The following USP37 variants were observed in gnomAD, a reference collection of about 807,000 sequenced individuals.
USP37 encodes ubiquitin carboxyl-terminal hydrolase 37.
Under a neutral mutation model 124.0 loss-of-function variants are expected in USP37, and 27 were observed. The observed-to-expected ratio is 0.22, with a 90% CI of 0.16 to 0.30. The LOEUF is 0.30. Among genes scored for constraint, USP37 ranks in the 10% least tolerant of loss-of-function variants. USP37 has a pLI of 1.00. For synonymous variants in USP37, 365 were observed against 388.0 expected (o/e 0.94, Z 0.70); for missense variants, 889 against 1,140.4 (o/e 0.78, Z 3.17).
intron 2 of USP37, among the ~76,000 whole-genome samples, chr2:218,561,380 G>A (rs1269841569): frequency 2.0e-5 from 3 of 152,116 alleles, no homozygotes; most frequent in African/African-American, 7.2e-5. Flanking sequence ...TCCACAGATC[G>A]GGAGCTGTGG....
intron 11 of USP37, among the ~76,000 whole-genome samples, chr2:218,506,766 T>G (rs1174946365): frequency 6.6e-6 from 1 of 152,132 alleles, no homozygotes; most frequent in Non-Finnish European, 1.5e-5. Context: ...ATTTCATTTA[T>G]TCTTGCTTGT....
At position 218,498,176 on chromosome 2, in the gene USP37, G is replaced by A; in HGVS notation, c.1026-19C>T. 6.3e-7 allele frequency: 1 copy of A among 1,574,900 alleles called. No individual in the cohort carries two copies. The highest frequency in any genetic ancestry group is 8.6e-7 in the Non-Finnish European group (1 of 1,168,062). ...GGAGAAGCTGAAAATTAAAGAAATA[G>A]TGCTTTAGAAGGCAACAGGAATTCC... On this transcript the variant is annotated intron_variant, in intron 11 of 25. Coordinates refer to ENST00000258399, the MANE Select transcript of USP37 (RefSeq NM_020935.3).
In USP37 at chr2:218,495,778, T is replaced by G. The variant is rs778950838; in HGVS notation, c.1454A>C (p.His485Pro). The change falls in exon 14 of 26, where the codon CAC becomes CCC. Residue 485 changes from histidine to proline, a missense_variant. Around this residue, in one of 3 missense-constraint regions of USP37, gnomAD observed 504 missense variants for 714.3 expected, o/e 0.71. Coordinates refer to ENST00000258399, the MANE Select transcript of USP37 (RefSeq NM_020935.3). ...VITNLEFEVQ[H>P]SIICKACGEI... ...TACTTACGCTTTACAAATGATGGAG[T>G]GCTGAACCTCAAACTCCAAATTAGT... is the stretch of plus-strand genomic sequence containing the variant. 6.2e-7 allele frequency: 1 copy of G among 1,611,936 alleles called. No homozygotes were observed. The highest frequency in any genetic ancestry group is 8.5e-7 in the Non-Finnish European group (1 of 1,179,630).
chr2:218,536,873 A>T (rs1449862084), intron 8 of USP37, among the ~76,000 whole-genome samples: 1 of 152,186 alleles, frequency 6.6e-6, no homozygotes, highest in Non-Finnish European at 1.5e-5. Context: ...TACCTCTGAC[A>T]TCTTATAGTG....
At chr2:218,527,272 T>G (rs1261009048) in intron 10 of USP37, among the ~76,000 whole-genome samples, 4 of 152,176 alleles carry the variant, frequency 2.6e-5, no homozygotes, top group Non-Finnish European at 4.4e-5. Context: ...GTCTTTGCAC[T>G]CTACTCAGGG....
intron 1 of USP37, among the ~76,000 whole-genome samples, chr2:218,563,574 C>A (rs1693426798): frequency 6.6e-6 from 1 of 152,182 alleles, no homozygotes; most frequent in Non-Finnish European, 1.5e-5. Flanking sequence ...TCAAATTAGG[C>A]TTCACTAGGC....
chr2:218,495,984 A>T, intron 13 of USP37, 34 bp from the exon 14 acceptor site: 1 of 1,576,084 alleles, frequency 6.3e-7, no homozygotes, highest in Non-Finnish European at 8.6e-7. Flanking sequence ...ATCAGATAAA[A>T]ACATTTCTTG....
intron 5 of USP37, among the ~76,000 whole-genome samples, chr2:218,550,115 C>G (rs1405881035): frequency 1.3e-5 from 2 of 151,204 alleles, no homozygotes; most frequent in African/African-American, 2.4e-5. Context: ...GAATCTGAAG[C>G]AAAAAATTAA....
intron 9 of USP37, among the ~76,000 whole-genome samples, chr2:218,533,503 T>C (rs1254265389): frequency 6.6e-6 from 1 of 152,198 alleles, no homozygotes; most frequent in African/African-American, 2.4e-5. Flanking sequence ...ACATCAAATT[T>C]TGTGAGATGT....
At position 218,473,760 on chromosome 2, in the gene USP37, C is replaced by G. The variant is rs948786218; in HGVS notation, c.2299+870G>C. On this transcript the variant is annotated intron_variant, in intron 20 of 25. Transcript: ENST00000258399. ...GATAACAAAAAATGAGTAAAAATTA[C>G]CAAAAAAATAGTATAGCATTTTATG... 2.0e-5 allele frequency among the ~76,000 whole-genome samples: 3 copies of G among 152,160 alleles called. 1 individual carries two copies. The highest frequency in any genetic ancestry group is 2.0e-4 in the Admixed American group (3 of 15,280).
rs183760692 is a variant in USP37, at chr2:218,477,481, G to A, written c.1902-500C>T. Among the ~76,000 whole-genome samples the A allele has an allele frequency of 2.0e-5, 3 of 152,292 alleles. No individual in the cohort carries two copies. In the East Asian group the frequency reaches 5.8e-4, roughly 29 times the overall value. On this transcript the variant is annotated intron_variant, in intron 18 of 25. Coordinates refer to ENST00000258399, the MANE Select transcript of USP37 (RefSeq NM_020935.3). ...TTCCAAAGTAAGAAAAAAGGCTTCT[G>A]AGGAAGGCAGTTCCAAAGCCCATGT...
intron 9 of USP37, among the ~76,000 whole-genome samples, chr2:218,532,971 A>T (rs1691418675): frequency 6.6e-6 from 1 of 151,704 alleles, no homozygotes. Flanking sequence ...TTTTAGACAT[A>T]ATGCTATTGC....
At chr2:218,471,218 C>T (rs780288993) in intron 20 of USP37, among the ~76,000 whole-genome samples, 6 of 151,976 alleles carry the variant, frequency 3.9e-5, no homozygotes, top group Admixed American at 2.6e-4. Flanking sequence ...CAGGCTACTG[C>T]GACAGAAGAA....
chr2:218,547,378 CT>C (rs1345536933), intron 6 of USP37, among the ~76,000 whole-genome samples: 1 of 150,272 alleles, frequency 6.7e-6, no homozygotes, highest in African/African-American at 2.5e-5. Flanking sequence ...AGATTCTATT[CT>C]AGTTGATCTG....
chr2:218,520,542 G>A (rs1369942414), intron 10 of USP37, among the ~76,000 whole-genome samples: 1 of 151,234 alleles, frequency 6.6e-6, no homozygotes, highest in Non-Finnish European at 1.5e-5. Context: ...AGTAGAGATG[G>A]GGTTTCTTCA....
chr2:218,510,497 CAACA>C (rs1480040783), intron 10 of USP37, among the ~76,000 whole-genome samples: 2 of 152,162 alleles, frequency 1.3e-5, no homozygotes, highest in African/African-American at 2.4e-5. Flanking sequence ...ACAAATAACA[CAACA>C]AACATTCTTA....
chr2:218,499,665 G>A (rs1689265179), intron 11 of USP37, among the ~76,000 whole-genome samples: 1 of 152,146 alleles, frequency 6.6e-6, no homozygotes, highest in Non-Finnish European at 1.5e-5. Flanking sequence ...TTCAGTCCAG[G>A]ATCACATGCT....
intron 25 of USP37, 109 bp from the exon 26 acceptor site, chr2:218,455,126 T>G: frequency 8.0e-7 from 1 of 1,248,618 alleles, no homozygotes; most frequent in Non-Finnish European, 1.1e-6. Context: ...CCTTCACAAT[T>G]CCATTTCATG....
intron 10 of USP37, chr2:218,514,297 T>C (rs532590418): frequency 2.0e-5 from 3 of 152,334 alleles, no homozygotes; most frequent in African/African-American, 7.2e-5. Flanking sequence ...TTCACTAAAG[T>C]CCTTTTTCTG....
Sources: gnomAD v4.1 joint callset for allele counts (sites outside exome capture counted in the v4.1 genomes callset) on GRCh38, gnomAD v4.1.1 for gene constraint, gnomAD v4.1.1 regional missense constraint, MANE v1.5 for transcripts, NCBI Gene and HGNC (gene_info 2026-07-23, HGNC 2026-07-21) for gene names.